SHANK1: variants seen among roughly 807,000 people sequenced by gnomAD.
SHANK1 encodes the protein SH3 and multiple ankyrin repeat domains 1, also known as SH3 and multiple ankyrin repeat domains protein 1.
A neutral mutation model predicts 165.6 loss-of-function variants in SHANK1; 35 were observed. That is an observed-to-expected ratio of 0.21 (90% CI 0.16 to 0.28). The LOEUF is 0.28. SHANK1 is among the 10% of genes least tolerant of loss of function. The probability of loss-of-function intolerance (pLI) is 1.00; values close to 1 mark genes in which losing one functional copy is unlikely to be tolerated. For missense variants in SHANK1, 2,681 were observed against 3,036.4 expected (o/e 0.88, Z 2.75); for synonymous variants, 1,428 against 1,384.8 (o/e 1.03, Z -0.69).
intron 8 of SHANK1, among the ~76,000 whole-genome samples, chr19:50,710,430 C>G (rs1365879680): frequency 2.0e-5 from 3 of 152,166 alleles, no homozygotes; most frequent in African/African-American, 7.2e-5. Context: ...CTCTAAGTAC[C>G]CCCACCAGCT....
chr19:50,696,977 GAC>G, intron 15 of SHANK1, 117 bp downstream of exon 15: 2 of 829,410 alleles, frequency 2.4e-6, no homozygotes, highest in South Asian at 1.5e-5. Context: ...CACCTACAGA[GAC>G]ACACGTTCAC....
At position 50,669,041 on chromosome 19, in the gene SHANK1, G is replaced by A; in HGVS notation, c.2919C>T (p.Pro973=). The change falls in exon 23 of 24, where the codon CCC becomes CCT. Residue 973 remains proline, a synonymous_variant. Transcript: ENST00000293441. ...TCCCCACGCGAGTGTCGGGAGGGGA[G>A]GGCCCGTCAAAGGATGCAGGGGAGG... is the stretch of plus-strand genomic sequence containing the variant. The part of the protein sequence containing the change: ...PASSPASFDG[P]SPPDTRVGSR... 1.1e-6 allele frequency: 1 copy of A among 892,874 alleles called. No homozygotes were observed. The highest frequency in any genetic ancestry group is 1.7e-6 in the Non-Finnish European group (1 of 601,976). 55.3% of individuals were successfully genotyped at this position (892,874 alleles called of 1,614,324 possible).
Position 50,668,127 on chromosome 19 carries a change from G to A in SHANK1, c.3833C>T (p.Pro1278Leu). 1 of 1,476,012 alleles carries A rather than the reference G, an allele frequency of 6.8e-7. No individual in the cohort carries two copies. The highest frequency in any genetic ancestry group is 1.5e-5 in the African/African-American group (1 of 68,322). The allele number at this position is 1,476,012 out of a possible 1,614,324, so 91.4% of individuals were successfully genotyped here. ...GDGGLGTGAA[P>L]GPRLRHSKSI... Reference sequence around the variant, plus strand: ...TTTGGAGTGGCGCAGCCGCGGGCCCGGGGCCGCCCCTGTGCCCAGCCCGCC... The same window carrying A: ...TTTGGAGTGGCGCAGCCGCGGGCCCAGGGCCGCCCCTGTGCCCAGCCCGCC... Residue 1278 changes from proline (P) to leucine (L), a missense_variant, in exon 23 of 24, where the codon CCG (proline) becomes CTG (leucine). This residue lies in a region of SHANK1 where 1,713 missense variants were observed against 1,630.2 expected (regional missense o/e 1.05). Coordinates refer to ENST00000293441, the MANE Select transcript of SHANK1 (RefSeq NM_016148.5).
Position 50,662,794 on chromosome 19 carries a change from G to C in SHANK1, c.5769-112C>G. On this transcript the variant is annotated intron_variant, in intron 23 of 23. Coordinates refer to ENST00000293441, the MANE Select transcript of SHANK1 (RefSeq NM_016148.5). The surrounding 1 kb of genome is among the most constrained non-coding windows in gnomAD (Gnocchi z 7.7). ...GGGAGAGAGGAGGAGAGACATAAGG[G>C]TAGGGGGAGAGACGGAGGAGAGACG... is the stretch of plus-strand genomic sequence containing the variant. The C allele has an allele frequency of 8.9e-7, 1 of 1,121,820 alleles. No homozygotes were observed. Among genetic ancestry groups the C allele is most frequent in the Non-Finnish European group, 1.3e-6 (1 of 777,058 alleles). The allele number at this position is 1,121,820 out of a possible 1,614,324, so 69.5% of individuals were successfully genotyped here.
At chr19:50,715,207 G>A (rs79900393) in intron 4 of SHANK1, among the ~76,000 whole-genome samples, 2,906 of 152,164 alleles carry the variant, frequency 0.019, 80 homozygotes, top group African/African-American at 0.066. Context: ...CTGGAAAGGG[G>A]GGTGTAATGG....
Position 50,667,051 on chromosome 19 carries a change from C to A in SHANK1, c.4909G>T (p.Gly1637Trp). The A allele has an allele frequency of 6.4e-7, 1 of 1,550,526 alleles. No individual in the cohort carries two copies. The highest frequency in any genetic ancestry group is 1.2e-5 in the South Asian group (1 of 84,004). ...GGGTCCCCAGGAGCGGCGGAGGCCCCCTGGGTCAGGGTGGCCACCTCGCTG... is the reference window on the plus strand; with the variant it reads ...GGGTCCCCAGGAGCGGCGGAGGCCCACTGGGTCAGGGTGGCCACCTCGCTG... ...YDSEVATLTQ[G>W]ASAAPGDPHP... Residue 1637 changes from glycine to tryptophan, a missense_variant, in exon 23 of 24, where the codon GGG (glycine) becomes TGG (tryptophan). Gly to Trp is a radical substitution (Grantham distance 184). Around this residue, in one of 10 missense-constraint regions of SHANK1, gnomAD observed 1,713 missense variants for 1,630.2 expected, o/e 1.05. Coordinates refer to ENST00000293441, the MANE Select transcript of SHANK1 (RefSeq NM_016148.5). The surrounding 1 kb of genome is among the most constrained non-coding windows in gnomAD (Gnocchi z 5.7).
chr19:50,689,067 C>A, intron 16 of SHANK1, 99 bp from the exon 17 acceptor site: 1 of 1,114,136 alleles, frequency 9.0e-7, no homozygotes. Context: ...CTCACCGCAG[C>A]TGAGGGACCA....
Position 50,692,456 on chromosome 19 carries a change from G to A in SHANK1, c.1965-3177C>T, listed in dbSNP as rs752993523. On this transcript the variant is annotated intron_variant, in intron 15 of 23. Coordinates refer to ENST00000293441, the MANE Select transcript of SHANK1 (RefSeq NM_016148.5). ...TCAAAGCCAAGATTTGAATTCACCA[G>A]ATATATATATATATATACACACACA... 7.8e-5 allele frequency among the ~76,000 whole-genome samples: 10 copies of A among 128,850 alleles called. 1 individual carries two copies. Among genetic ancestry groups the A allele is most frequent in the Non-Finnish European group, 1.3e-4 (8 of 60,110 alleles). 84.5% of individuals were successfully genotyped at this position (128,850 alleles called of 152,430 possible). A position where few individuals can be genotyped will look rare whatever the true frequency, so the allele number is the denominator to read the frequency against.
intron 23 of SHANK1, among the ~76,000 whole-genome samples, chr19:50,665,376 C>A (rs534006929): frequency 9.2e-5 from 14 of 151,918 alleles, no homozygotes; most frequent in South Asian, 6.2e-4. Context: ...ACCAGCCTGG[C>A]CCACGTGGCA....
chr19:50,682,937 C>T (rs556754492), intron 21 of SHANK1, among the ~76,000 whole-genome samples: 13 of 152,288 alleles, frequency 8.5e-5, no homozygotes, highest in Middle Eastern at 3.4e-3. Flanking sequence ...GTGATCCTCC[C>T]TCTTCAGCCC....
chr19:50,668,616 T>C lies in SHANK1; in HGVS notation c.3344A>G (p.Lys1115Arg). Residue 1115 changes from lysine (K) to arginine (R), a missense_variant, in exon 23 of 24, where the codon AAG becomes AGG. Coordinates refer to ENST00000293441, the MANE Select transcript of SHANK1 (RefSeq NM_016148.5). ...GRKGPLVKQT[K>R]VEGEPQKGGG... The stretch of plus-strand genomic sequence containing the variant: ...GCCCTTCTGGGGCTCGCCTTCCACC[T>C]TGGTCTGCTTGACCAGCGGGCCCTT... The C allele has an allele frequency of 7.3e-7, 1 of 1,378,752 alleles. No homozygotes were observed. The highest frequency in any genetic ancestry group is 9.4e-7 in the Non-Finnish European group (1 of 1,061,612). The allele number at this position is 1,378,752 out of a possible 1,614,324, so 85.4% of individuals were successfully genotyped here.
rs141839934 is a variant in SHANK1, at chr19:50,665,566, CAAAAAAAAAAAAA to C, written c.5768+613_5768+625del. On this transcript the variant is annotated intron_variant, in intron 23 of 23. Transcript: ENST00000293441. The stretch of plus-strand genomic sequence containing the variant: ...TGGGCAATAGAGTGAGACTCTGTCT[CAAAAAAAAAAAAA>C]AAAAAAAAAAAAAGAAGAAGAAAAG... 3.1e-4 allele frequency among the ~76,000 whole-genome samples: 15 copies of C among 47,632 alleles called. No individual in the cohort carries two copies. In the Admixed American group the frequency reaches 4.3e-3, roughly 14 times the overall value. 31.2% of individuals were successfully genotyped at this position (47,632 alleles called of 152,430 possible).
chr19:50,677,861 C>T (rs1490002994), intron 21 of SHANK1, among the ~76,000 whole-genome samples: 1 of 152,236 alleles, frequency 6.6e-6, no homozygotes, highest in Non-Finnish European at 1.5e-5. Context: ...TCAGCCTGCT[C>T]AATCCTTCTC....
At position 50,703,603 on chromosome 19, in the gene SHANK1, C is replaced by T. The variant is rs778834894; in HGVS notation, c.1450G>A (p.Gly484Arg). ...GGGCTGCTGGCACTTCGGAGGGTCC[C>T]GCTGCTGAGCTTGGTGGTGGGGGCC... The part of the protein sequence containing the change: ...PSAPTTKLSS[G>R]TLRSASSPRG... Residue 484 changes from glycine to arginine, a missense_variant, in exon 11 of 24, where the codon GGG becomes AGG. Gly to Arg is a moderately radical substitution (Grantham distance 125). Coordinates refer to ENST00000293441, the MANE Select transcript of SHANK1 (RefSeq NM_016148.5). 3 of 1,558,012 alleles carry T rather than the reference C, an allele frequency of 1.9e-6. No individual in the cohort carries two copies. The highest frequency in any genetic ancestry group is 2.6e-6 in the Non-Finnish European group (3 of 1,154,576).
At chr19:50,676,354 T>C (rs1985983951) in intron 21 of SHANK1, among the ~76,000 whole-genome samples, 1 of 152,066 alleles carries the variant, frequency 6.6e-6, no homozygotes, top group Admixed American at 6.6e-5. Flanking sequence ...AAGGTATTAT[T>C]TGAGCAAACT....
intron 23 of SHANK1, chr19:50,663,174 C>T (rs1985338006): frequency 1.2e-5 from 2 of 171,844 alleles, no homozygotes; most frequent in Non-Finnish European, 2.5e-5. Context: ...TCTATACTGC[C>T]TTTCAGGTTA....
rs1348379805 is a variant in SHANK1, at chr19:50,668,661, G to A, written c.3299C>T (p.Ala1100Val). 15 of 1,362,990 alleles carry A rather than the reference G, an allele frequency of 1.1e-5. No homozygotes were observed. The highest frequency in any genetic ancestry group is 4.6e-5 in the African/African-American group (3 of 65,568). 84.4% of individuals were successfully genotyped at this position (1,362,990 alleles called of 1,614,324 possible). The change falls in exon 23 of 24, where the codon GCC (alanine) becomes GTC (valine). Residue 1100 changes from alanine to valine, a missense_variant. Ala to Val is a moderately conservative substitution (Grantham distance 64). This residue lies in a region of SHANK1 where 1,713 missense variants were observed against 1,630.2 expected (regional missense o/e 1.05). Transcript: ENST00000293441. Reference sequence around the variant, plus strand: ...GCCCTTGCGGCCGCGGCCCGAGCGGGCGGGCACGTACATGGCTGCGCTGGC... The same window carrying A: ...GCCCTTGCGGCCGCGGCCCGAGCGGACGGGCACGTACATGGCTGCGCTGGC... ...RAASAAMYVP[A>V]RSGRGRKGPL...
intron 12 of SHANK1, among the ~76,000 whole-genome samples, chr19:50,699,312 T>C (rs73932567): frequency 0.012 from 1,787 of 152,332 alleles, 41 homozygotes; most frequent in African/African-American, 0.041. Flanking sequence ...ATAATCAATG[T>C]TGTTCCTTCC....
chr19:50,660,453 G>T lies in SHANK1; in HGVS notation c.*1512C>A, dbSNP rs553358083. 6.6e-6 allele frequency among the ~76,000 whole-genome samples: 1 copy of T among 152,216 alleles called. No individual in the cohort carries two copies. The highest frequency in any genetic ancestry group is 2.1e-4 in the South Asian group (1 of 4,824). On this transcript the variant is annotated 3_prime_UTR_variant, in exon 24 of 24. Transcript: ENST00000293441. ...TGTGCATAGGGTCTTCTCTCACCAG[G>T]AAGAGAAAGAGCTTAAGGAGGTAAG...
Sources: allele counts gnomAD v4.1 joint callset (sites outside exome capture counted in the v4.1 genomes callset), GRCh38; gene constraint gnomAD v4.1.1; regional missense constraint gnomAD v4.1.1; non-coding constraint Gnocchi (gnomAD v3.1); transcripts MANE v1.5; gene names NCBI Gene and HGNC (gene_info 2026-07-23, HGNC 2026-07-21).